The following CADM2 variants were observed in gnomAD, a reference collection of about 807,000 sequenced individuals.
CADM2 encodes immunoglobulin superfamily member 4D.
In CADM2, 12 loss-of-function variants were observed where a neutral mutation model predicts 49.8. The observed-to-expected ratio is 0.24, with a 90% CI of 0.15 to 0.39. CADM2 has a LOEUF of 0.39. CADM2 is among the 10% of genes least tolerant of loss of function. The probability of loss-of-function intolerance (pLI) is 1.00; values close to 1 mark genes in which losing one functional copy is unlikely to be tolerated. For missense variants in CADM2, 378 were observed against 492.3 expected, an observed-to-expected ratio of 0.77 and a Z score of 2.20; for synonymous variants, 214 against 175.4, an observed-to-expected ratio of 1.22 and a Z score of -1.74.
rs1198925253 is a variant in CADM2, at chr3:85,278,719, TGTGTGTG to T, written c.61+319052_61+319058del. Among the ~76,000 whole-genome samples, 5 of 1,076 alleles carry T rather than the reference TGTGTGTG, an allele frequency of 4.6e-3. No homozygotes were observed. The East Asian group carries it at 0.25, about 54-fold the overall frequency. 0.7% of individuals were successfully genotyped at this position (1,076 alleles called of 152,430 possible). A position where few individuals can be genotyped will look rare whatever the true frequency, so the allele number is the denominator to read the frequency against. On this transcript the variant is annotated intron_variant, in intron 1 of 9. Transcript: ENST00000383699. ...GAAATGTTCTCACTGCTGATGTTCT[TGTGTGTG>T]TGTGTGTGTGTGTGTGTGTGTGTGT...
At chr3:85,814,514 T>A (rs2073085854) in intron 3 of CADM2, among the ~76,000 whole-genome samples, 1 of 151,824 alleles carries the variant, frequency 6.6e-6, no homozygotes, top group African/African-American at 2.4e-5. Context: ...AAAAAAGAAC[T>A]AAGATCAGAG....
chr3:85,122,794 A>G (rs2038910265), intron 1 of CADM2, among the ~76,000 whole-genome samples: 1 of 152,080 alleles, frequency 6.6e-6, no homozygotes, highest in African/African-American at 2.4e-5. Context: ...GAAATACCTT[A>G]AAGTCATGTA....
chr3:85,182,700 G>A (rs1576061691), intron 1 of CADM2, among the ~76,000 whole-genome samples: 3 of 151,924 alleles, frequency 2.0e-5, no homozygotes, highest in South Asian at 2.1e-4. Context: ...CCCTATATAC[G>A]GTTGCATGTC....
At chr3:85,342,561 C>G (rs900805528) in intron 1 of CADM2, among the ~76,000 whole-genome samples, 1 of 151,898 alleles carries the variant, frequency 6.6e-6, no homozygotes, top group Non-Finnish European at 1.5e-5. Context: ...AAAGAATAGT[C>G]CTTGTTCTTC....
chr3:85,152,544 T>G (rs1292666901), intron 1 of CADM2, among the ~76,000 whole-genome samples: 1 of 152,066 alleles, frequency 6.6e-6, no homozygotes, highest in Non-Finnish European at 1.5e-5. Flanking sequence ...GATTGTGGAG[T>G]TGGGGGTCAT....
At chr3:85,627,603 C>G (rs2064165554) in intron 1 of CADM2, among the ~76,000 whole-genome samples, 1 of 151,754 alleles carries the variant, frequency 6.6e-6, no homozygotes, top group African/African-American at 2.4e-5. Flanking sequence ...CATATGAGAA[C>G]CCGGGGTGCT....
chr3:85,723,820 AATT>A (rs2067593385), intron 1 of CADM2, among the ~76,000 whole-genome samples: 1 of 152,058 alleles, frequency 6.6e-6, no homozygotes, highest in Non-Finnish European at 1.5e-5. Context: ...GATGCTAATT[AATT>A]ATTATTGTTC....
intron 1 of CADM2, among the ~76,000 whole-genome samples, chr3:85,494,856 T>A (rs2039822069): frequency 6.6e-6 from 1 of 152,158 alleles, no homozygotes; most frequent in South Asian, 2.1e-4. Context: ...TGTAACTCCC[T>A]TGTAGGTCTA....
At chr3:85,794,835 T>C (rs2071529132) in intron 2 of CADM2, among the ~76,000 whole-genome samples, 1 of 152,138 alleles carries the variant, frequency 6.6e-6, no homozygotes, top group Admixed American at 6.6e-5. Context: ...TTAGTAAGCT[T>C]CTCTTTCTTT....
chr3:85,925,241 C>A (rs1449876200), intron 6 of CADM2, among the ~76,000 whole-genome samples: 1 of 152,074 alleles, frequency 6.6e-6, no homozygotes, highest in African/African-American at 2.4e-5. Context: ...TATAATTTAT[C>A]TAATTTATTA....
chr3:85,586,874 T>A (rs894201069), intron 1 of CADM2, among the ~76,000 whole-genome samples: 3 of 152,078 alleles, frequency 2.0e-5, no homozygotes, highest in Admixed American at 2.0e-4. Flanking sequence ...TGAGTAGGCC[T>A]AATGTTTTTC....
In CADM2 at chr3:85,400,988, C is replaced by A. The variant is rs533413443; in HGVS notation, c.62-325534C>A. Among the ~76,000 whole-genome samples the A allele has an allele frequency of 3.3e-5, 5 of 152,316 alleles. No homozygotes were observed. In the South Asian group the frequency reaches 1.0e-3, roughly 32 times the overall value. ...CAAAATCCCCTCCCGGCTGCTGCCT[C>A]CAACCCACAACAGTGGCTCAATGCT... On this transcript the variant is annotated intron_variant, in intron 1 of 9. Coordinates refer to ENST00000383699, the MANE Select transcript of CADM2 (RefSeq NM_001167675.2).
chr3:85,048,897 A>C (rs2107395834), intron 1 of CADM2, among the ~76,000 whole-genome samples: 1 of 152,322 alleles, frequency 6.6e-6, no homozygotes, highest in East Asian at 1.9e-4. Flanking sequence ...GCATAAAATA[A>C]ATCAGCAAGA....
intron 8 of CADM2, among the ~76,000 whole-genome samples, chr3:85,999,607 AAG>A (rs1289045584): frequency 3.3e-5 from 5 of 151,094 alleles, no homozygotes; most frequent in African/African-American, 4.9e-5. Context: ...GAGGGAGGGA[AAG>A]AGAGAAAGAG....
intron 1 of CADM2, among the ~76,000 whole-genome samples, chr3:85,402,040 A>G (rs2035137643): frequency 6.6e-6 from 1 of 152,204 alleles, no homozygotes; most frequent in Non-Finnish European, 1.5e-5. Flanking sequence ...GATTTACTAT[A>G]ATTCATAGAA....
intron 8 of CADM2, among the ~76,000 whole-genome samples, chr3:86,035,881 T>A (rs1294716036): frequency 6.6e-6 from 1 of 152,114 alleles, no homozygotes; most frequent in East Asian, 1.9e-4. Flanking sequence ...AAGATCAAGG[T>A]GCTGGCAGAT....
chr3:85,937,115 T>C (rs1721264539), intron 7 of CADM2, among the ~76,000 whole-genome samples: 6 of 151,846 alleles, frequency 4.0e-5, no homozygotes, highest in Admixed American at 3.9e-4. Context: ...AGAAACATTA[T>C]TTTACTTATG....
chr3:85,877,193 A>C (rs2108370966), intron 3 of CADM2, among the ~76,000 whole-genome samples: 1 of 152,162 alleles, frequency 6.6e-6, no homozygotes, highest in African/African-American at 2.4e-5. Context: ...CCATTCGCTT[A>C]TTTTTAATAG....
chr3:85,120,778 T>A (rs1388106811), intron 1 of CADM2, among the ~76,000 whole-genome samples: 3 of 152,042 alleles, frequency 2.0e-5, no homozygotes, highest in African/African-American at 4.8e-5. Context: ...TATACCTATG[T>A]AACAAACCTG....
Sources: gnomAD v4.1 joint callset for allele counts (sites outside exome capture counted in the v4.1 genomes callset) on GRCh38, gnomAD v4.1.1 for gene constraint, MANE v1.5 for transcripts, NCBI Gene and HGNC (gene_info 2026-07-23, HGNC 2026-07-21) for gene names.